The following SNTG2 variants were observed in gnomAD, a reference collection of about 807,000 sequenced individuals.
The protein encoded by SNTG2 is syntrophin gamma 2.
A neutral mutation model predicts 70.9 loss-of-function variants in SNTG2; 74 were observed. That is an observed-to-expected ratio of 1.04 (90% confidence interval 0.86 to 1.27). The LOEUF (loss-of-function observed/expected upper bound fraction) is 1.27, where lower values mean the gene tolerates loss of function less well. Ranked by LOEUF, SNTG2 falls within the 50% of genes most tolerant of loss-of-function variation. The pLI, the probability that SNTG2 is intolerant of heterozygous loss-of-function variation, is 0.00. For synonymous variants in SNTG2, 278 were observed against 273.8 expected, an observed-to-expected ratio of 1.02 and a Z score of -0.15; for missense variants, 717 against 690.7, an observed-to-expected ratio of 1.04 and a Z score of -0.43.
chr2:1,190,553 CAT>C (rs1258638665), intron 8 of SNTG2, among the ~76,000 whole-genome samples: 17 of 116,528 alleles, frequency 1.5e-4, no homozygotes, highest in African/African-American at 2.3e-4. Flanking sequence ...CATATATAAA[CAT>C]ATGTATAAAT....
At chr2:1,317,440 G>T (rs62105565) in intron 16 of SNTG2, among the ~76,000 whole-genome samples, 133 of 37,792 alleles carry the variant, frequency 3.5e-3, no homozygotes, top group African/African-American at 0.011. Context: ...TCTGGAGCAT[G>T]TAGCATGAGG....
intron 12 of SNTG2, among the ~76,000 whole-genome samples, chr2:1,255,900 A>G (rs1678071666): frequency 2.0e-5 from 2 of 98,446 alleles, no homozygotes; most frequent in Non-Finnish European, 1.9e-5. Context: ...ATATAAATAT[A>G]TATATAAATA....
At chr2:1,288,548 C>T (rs1399719033) in intron 14 of SNTG2, among the ~76,000 whole-genome samples, 1 of 152,170 alleles carries the variant, frequency 6.6e-6, no homozygotes, top group African/African-American at 2.4e-5. Context: ...CACACACATG[C>T]ATTCACGTGC....
intron 14 of SNTG2, among the ~76,000 whole-genome samples, chr2:1,290,447 T>C (rs2148220510): frequency 6.6e-6 from 1 of 152,092 alleles, no homozygotes; most frequent in South Asian, 2.1e-4. Flanking sequence ...CCTGAGTAGC[T>C]GGGATTATAG....
intron 15 of SNTG2, among the ~76,000 whole-genome samples, chr2:1,315,770 A>G (rs916870887): frequency 3.9e-5 from 6 of 152,196 alleles, no homozygotes; most frequent in Non-Finnish European, 7.3e-5. Flanking sequence ...TGTTTCACAT[A>G]TAGCCATAGA....
Position 1,098,185 on chromosome 2 carries a change from A to G in SNTG2, c.211-11A>G, listed in dbSNP as rs1665517542. The G allele has an allele frequency of 1.2e-6, 2 of 1,613,372 alleles. No individual in the cohort carries two copies. Among genetic ancestry groups the G allele is most frequent in the Non-Finnish European group, 1.7e-6 (2 of 1,179,642 alleles). ...ACCTAAACTTGGTTTGTTTTCTAAAATGTTTTAAAGCGCAGAACTGTTACA... is the reference window on the plus strand; with the variant it reads ...ACCTAAACTTGGTTTGTTTTCTAAAGTGTTTTAAAGCGCAGAACTGTTACA... On this transcript the variant is annotated splice_polypyrimidine_tract_variant and intron_variant, in intron 2 of 16. Transcript: ENST00000308624.
chr2:1,150,361 A>C (rs926120914), intron 6 of SNTG2, among the ~76,000 whole-genome samples: 2 of 152,132 alleles, frequency 1.3e-5, no homozygotes, highest in African/African-American at 2.4e-5. Context: ...GAAATGTATA[A>C]AAGTAAATTT....
chr2:1,242,218 G>A (rs900334540), intron 11 of SNTG2, among the ~76,000 whole-genome samples: 1 of 152,016 alleles, frequency 6.6e-6, no homozygotes, highest in Admixed American at 6.5e-5. Flanking sequence ...TAAGACATTA[G>A]GCCCTTTAAA....
At chr2:1,190,998 C>G (rs1225637721) in intron 8 of SNTG2, among the ~76,000 whole-genome samples, 1 of 152,092 alleles carries the variant, frequency 6.6e-6, no homozygotes, top group African/African-American at 2.4e-5. Context: ...TTTACATGCT[C>G]CTTCAGAGAC....
intron 16 of SNTG2, among the ~76,000 whole-genome samples, chr2:1,350,813 C>T (rs972865117): frequency 1.3e-5 from 2 of 152,086 alleles, no homozygotes; most frequent in Non-Finnish European, 2.9e-5. Context: ...GCCCAACAGG[C>T]TATAATGACT....
chr2:966,835 T>C (rs1660583451), intron 1 of SNTG2, among the ~76,000 whole-genome samples: 1 of 151,968 alleles, frequency 6.6e-6, no homozygotes, highest in Admixed American at 6.6e-5. Flanking sequence ...TAATCTCAGC[T>C]ACTCAGGAGG....
At chr2:1,048,645 T>C (rs116944142) in intron 1 of SNTG2, among the ~76,000 whole-genome samples, 1 of 152,312 alleles carries the variant, frequency 6.6e-6, no homozygotes, top group East Asian at 1.9e-4. Flanking sequence ...TCCTTTCATA[T>C]GTCTTTAGAT....
intron 1 of SNTG2, among the ~76,000 whole-genome samples, chr2:1,053,025 T>G (rs1489046767): frequency 5.9e-5 from 9 of 152,232 alleles, no homozygotes; most frequent in Non-Finnish European, 1.3e-4. Context: ...CTTTTTCTGG[T>G]AGTTTTCCAT....
intron 4 of SNTG2, among the ~76,000 whole-genome samples, chr2:1,134,458 A>G (rs1668231537): frequency 7.5e-6 from 1 of 133,730 alleles, no homozygotes; most frequent in Non-Finnish European, 1.7e-5. Context: ...TGTCGACACA[A>G]AGGTTCTCCA....
chr2:1,237,655 G>C (rs1676755189), intron 9 of SNTG2, among the ~76,000 whole-genome samples: 1 of 152,236 alleles, frequency 6.6e-6, no homozygotes, highest in Non-Finnish European at 1.5e-5. Context: ...CCTTGACAAA[G>C]TGCTTTTCAT....
At chr2:1,195,686 G>A (rs1295982965) in intron 8 of SNTG2, among the ~76,000 whole-genome samples, 2 of 152,316 alleles carry the variant, frequency 1.3e-5, no homozygotes, top group East Asian at 3.9e-4. Context: ...TGTTCACTCT[G>A]ATGATGGTTT....
chr2:1,192,266 G>C (rs1332831188), intron 8 of SNTG2, among the ~76,000 whole-genome samples: 1 of 152,158 alleles, frequency 6.6e-6, no homozygotes, highest in Non-Finnish European at 1.5e-5. Flanking sequence ...GATTTAGAAA[G>C]GTCTGAGTGC....
intron 7 of SNTG2, among the ~76,000 whole-genome samples, chr2:1,167,032 A>G (rs1341556377): frequency 6.6e-6 from 1 of 152,200 alleles, no homozygotes; most frequent in Non-Finnish European, 1.5e-5. Flanking sequence ...CTCACGTGGG[A>G]TCTGATTCTT....
chr2:1,180,879 T>C (rs1671838786), intron 8 of SNTG2, among the ~76,000 whole-genome samples: 1 of 152,094 alleles, frequency 6.6e-6, no homozygotes, highest in Non-Finnish European at 1.5e-5. Flanking sequence ...CATGGAATAC[T>C]ATGCAGCCAT....
Sources: gnomAD v4.1 joint callset for allele counts (sites outside exome capture counted in the v4.1 genomes callset) on GRCh38, gnomAD v4.1.1 for gene constraint, MANE v1.5 for transcripts, NCBI Gene and HGNC (gene_info 2026-07-23, HGNC 2026-07-21) for gene names.